SNX5: variants seen among roughly 807,000 people sequenced by gnomAD.
The protein encoded by SNX5 is sorting nexin 5.
SNX5 carries 31 observed loss-of-function variants against 53.9 expected under a neutral mutation model. The ratio of observed to expected loss-of-function variants is 0.58; its 90% CI spans 0.43 to 0.78. SNX5 has a LOEUF of 0.78. Among genes scored for constraint, SNX5 ranks in the 30% least tolerant of loss-of-function variants. The pLI is 0.00. For missense variants in SNX5, 471 were observed against 478.8 expected (o/e 0.98, Z 0.15); for synonymous variants, 168 against 171.1 (o/e 0.98, Z 0.14).
chr20:17,968,309 A>C lies in SNX5; in HGVS notation c.51+66T>G, dbSNP rs2035600944. The C allele has an allele frequency of 5.8e-6, 7 of 1,208,502 alleles. No homozygotes were observed. The South Asian group carries it at 2.4e-4, about 41-fold the overall frequency. The allele number at this position is 1,208,502 out of a possible 1,614,324, so 74.9% of individuals were successfully genotyped here. The stretch of plus-strand genomic sequence containing the variant: ...CACGGCCTATGGACGCGCAAGGGAA[A>C]GAATGCAGCGACCCCGGAGCTCGCA... On this transcript the variant is annotated intron_variant, in intron 1 of 12. Coordinates refer to ENST00000377759, the MANE Select transcript of SNX5 (RefSeq NM_014426.4).
At chr20:17,955,664 C>A (rs1263960923) in intron 2 of SNX5, among the ~76,000 whole-genome samples, 189 bp from the exon 3 acceptor site, 2 of 152,264 alleles carry the variant, frequency 1.3e-5, no homozygotes, top group Non-Finnish European at 2.9e-5. Flanking sequence ...CTAACGATTT[C>A]TCCCCAAACT....
At chr20:17,965,303 A>G (rs562793817) in intron 1 of SNX5, among the ~76,000 whole-genome samples, 59 of 152,354 alleles carry the variant, frequency 3.9e-4, no homozygotes, top group African/African-American at 1.4e-3. Context: ...AAAAGTGATC[A>G]GGCTAAAATG....
chr20:17,950,493 G>A, intron 6 of SNX5, 97 bp from the exon 7 acceptor site: 1 of 700,846 alleles, frequency 1.4e-6, no homozygotes, highest in Non-Finnish European at 2.4e-6. Context: ...CTTAGAACAT[G>A]GCATATAAAC....
At chr20:17,963,086 A>G (rs952238706) in intron 1 of SNX5, 6 of 355,056 alleles carry the variant, frequency 1.7e-5, no homozygotes, top group Non-Finnish European at 3.3e-5. Context: ...TTCACAAAGC[A>G]AAACAGCTGA....
chr20:17,942,967 G>A, intron 12 of SNX5, 143 bp downstream of exon 12: 1 of 602,912 alleles, frequency 1.7e-6, no homozygotes, highest in East Asian at 2.8e-5. Context: ...AATAAACAAT[G>A]AGTGGCTCCC....
intron 11 of SNX5, 171 bp from the exon 12 acceptor site, chr20:17,943,366 C>G (rs2039443480): frequency 1.7e-6 from 1 of 595,324 alleles, no homozygotes; most frequent in Non-Finnish European, 3.0e-6. Flanking sequence ...CATCTATTAA[C>G]TGTGGTGATA....
In SNX5 at chr20:17,949,219, G is replaced by T. The variant is rs1290953634; in HGVS notation, c.792-116C>A. 4.8e-6 allele frequency: 4 copies of T among 826,268 alleles called. No individual in the cohort carries two copies. The East Asian group carries it at 7.6e-5, about 16-fold the overall frequency. 51.2% of individuals were successfully genotyped at this position (826,268 alleles called of 1,614,324 possible). ...AGGAGTCCTAGCCTTTGGTACTTTA[G>T]CATTAATTTAAAAGTAGTGCTCTCA... On this transcript the variant is annotated intron_variant, in intron 8 of 12. Transcript: ENST00000377759.
chr20:17,947,107 A>C, intron 11 of SNX5: 1 of 174,484 alleles, frequency 5.7e-6, no homozygotes, highest in Non-Finnish European at 1.2e-5. Flanking sequence ...TGGATCTTGT[A>C]GAGGACATCA....
At chr20:17,942,828 C>T (rs192228441) in intron 12 of SNX5, 2 of 384,918 alleles carry the variant, frequency 5.2e-6, no homozygotes, top group Admixed American at 8.8e-5. Flanking sequence ...GAGGCCAAGG[C>T]AGGTGGATCA....
intron 6 of SNX5, chr20:17,950,978 C>T (rs2039558970): frequency 6.3e-6 from 1 of 157,492 alleles, no homozygotes; most frequent in Admixed American, 6.1e-5. Context: ...AACTCAGTTA[C>T]AAAGGAATGA....
intron 3 of SNX5, 50 bp downstream of exon 3, chr20:17,955,315 G>A: frequency 1.5e-6 from 2 of 1,324,098 alleles, no homozygotes; most frequent in South Asian, 2.5e-5. Flanking sequence ...TTAAACTAAT[G>A]CATAGCAAGG....
At position 17,968,418 on chromosome 20, in the gene SNX5, G is replaced by A; in HGVS notation, c.8C>T (p.Ala3Val). MA[A>V]VPELLQQQEE... ...CTGCTGCTGCAGCAACTCGGGAACCGCGGCCATGGCGACGCGGGACTCGAG... is the reference window on the plus strand; with the variant it reads ...CTGCTGCTGCAGCAACTCGGGAACCACGGCCATGGCGACGCGGGACTCGAG... Residue 3 changes from alanine to valine, a missense_variant, in exon 1 of 13, where the codon GCG becomes GTG. By Grantham distance (64) the Ala-to-Val change is moderately conservative (BLOSUM62 0). Coordinates refer to ENST00000377759, the MANE Select transcript of SNX5 (RefSeq NM_014426.4). The A allele has an allele frequency of 7.8e-7, 1 of 1,288,910 alleles. No individual in the cohort carries two copies. The highest frequency in any genetic ancestry group is 9.9e-7 in the Non-Finnish European group (1 of 1,015,050). 79.8% of individuals were successfully genotyped at this position (1,288,910 alleles called of 1,614,324 possible). A position where few individuals can be genotyped will look rare whatever the true frequency, so the allele number is the denominator to read the frequency against.
intron 4 of SNX5, among the ~76,000 whole-genome samples, chr20:17,953,587 G>A (rs148975416): frequency 5.9e-5 from 9 of 152,042 alleles, no homozygotes; most frequent in Non-Finnish European, 8.8e-5. Flanking sequence ...GAGACCAGCC[G>A]GGGCAACACA....
chr20:17,967,234 C>T (rs1331930040), intron 1 of SNX5, among the ~76,000 whole-genome samples: 1 of 151,836 alleles, frequency 6.6e-6, no homozygotes, highest in African/African-American at 2.4e-5. Context: ...TAAAATGCTA[C>T]CAAAATCCCA....
At chr20:17,963,151 C>T (rs1232799031) in intron 1 of SNX5, among the ~76,000 whole-genome samples, 1 of 152,196 alleles carries the variant, frequency 6.6e-6, no homozygotes, top group African/African-American at 2.4e-5. Context: ...AATCAATACA[C>T]CACTGCTACC....
Position 17,968,775 on chromosome 20 carries a change from C to G in SNX5, c.-350G>C. ...CGGGAAGCAACGGACACTCTCCCAG[C>G]AAGACGCGTCTAGAGAAAGACCGCG... is the stretch of plus-strand genomic sequence containing the variant. On this transcript the variant is annotated 5_prime_UTR_variant, in exon 1 of 13. Coordinates refer to ENST00000377759, the MANE Select transcript of SNX5 (RefSeq NM_014426.4). The G allele has an allele frequency of 3.1e-6, 1 of 325,116 alleles. No homozygotes were observed. The highest frequency in any genetic ancestry group is 5.7e-6 in the Non-Finnish European group (1 of 174,688). 20.1% of individuals were successfully genotyped at this position (325,116 alleles called of 1,614,324 possible). A position where few individuals can be genotyped will look rare whatever the true frequency, so the allele number is the denominator to read the frequency against.
chr20:17,956,673 CAAAAAAAAAAAAAAAA>C (rs59252584), intron 2 of SNX5, among the ~76,000 whole-genome samples: 10 of 84,882 alleles, frequency 1.2e-4, no homozygotes, highest in East Asian at 3.2e-4. Flanking sequence ...AGACTGTCTC[CAAAAAAAAAAAAAAAA>C]AAAAAAAAAA....
chr20:17,941,648 CAA>C lies in SNX5; in HGVS notation c.*707_*708del, dbSNP rs2039417306. 6.6e-6 allele frequency: 1 copy of C among 152,150 alleles called. No homozygotes were observed. The highest frequency in any genetic ancestry group is 1.5e-5 in the Non-Finnish European group (1 of 68,052). 9.4% of individuals were successfully genotyped at this position (152,150 alleles called of 1,614,324 possible). ...TATGCTTTATAAAAAAACAAACACCCAAAGACATACAACACACCGCCCTCACC... is the reference window on the plus strand; with the variant it reads ...TATGCTTTATAAAAAAACAAACACCCAGACATACAACACACCGCCCTCACC... On this transcript the variant is annotated 3_prime_UTR_variant, in exon 13 of 13. Coordinates refer to ENST00000377759, the MANE Select transcript of SNX5 (RefSeq NM_014426.4).
At chr20:17,949,190 A>G (rs1002293979) in intron 8 of SNX5, 87 bp from the exon 9 acceptor site, 27 of 1,071,994 alleles carry the variant, frequency 2.5e-5, no homozygotes, top group Non-Finnish European at 3.7e-5. Context: ...GAATGGGTCA[A>G]CTCAGGAGTC....
Sources: gnomAD v4.1 joint callset for allele counts (sites outside exome capture counted in the v4.1 genomes callset) on GRCh38, gnomAD v4.1.1 for gene constraint, MANE v1.5 for transcripts, NCBI Gene and HGNC (gene_info 2026-07-23, HGNC 2026-07-21) for gene names.